Variants in SYN2 observed in about 807,000 individuals in gnomAD.
The protein encoded by SYN2 is synapsin II, also known as synapsin-2.
In SYN2, 19 loss-of-function variants were observed where a neutral mutation model predicts 50.9. The observed-to-expected ratio is 0.37, with a 90% CI of 0.26 to 0.55. The LOEUF (loss-of-function observed/expected upper bound fraction) is 0.55. Ranked by LOEUF, SYN2 falls within the 20% of genes least tolerant of loss-of-function variation. The pLI is 0.81. For synonymous variants in SYN2, 255 were observed against 224.9 expected (o/e 1.13, Z -1.20); for missense variants, 587 against 576.4 (o/e 1.02, Z -0.19).
intron 1 of SYN2, among the ~76,000 whole-genome samples, chr3:12,101,670 G>A (rs1005361633): frequency 6.6e-6 from 1 of 152,080 alleles, no homozygotes; most frequent in Non-Finnish European, 1.5e-5. Flanking sequence ...AGGGATACAA[G>A]GAAGAAAAGT....
chr3:12,023,516 A>G lies in SYN2; in HGVS notation c.377+18588A>G, dbSNP rs186221162. 1.8e-3 allele frequency among the ~76,000 whole-genome samples: 274 copies of G among 152,338 alleles called. 1 individual carries two copies. The highest frequency in any genetic ancestry group is 6.1e-3 in the African/African-American group (255 of 41,580). ...GAGGATGGTGAAAAGAGGAAGGCAC[A>G]CTGTGGACCATGTTCAGAGTCAGTA... On this transcript the variant is annotated intron_variant, in intron 1 of 12. Transcript: ENST00000621198.
At chr3:12,148,003 A>G (rs944471660) in intron 4 of SYN2, among the ~76,000 whole-genome samples, 1 of 152,012 alleles carries the variant, frequency 6.6e-6, no homozygotes, top group Non-Finnish European at 1.5e-5. Context: ...AGTCCCAGCA[A>G]CTTAGGTGGC....
At chr3:12,044,365 G>T (rs1328403893) in intron 1 of SYN2, among the ~76,000 whole-genome samples, 3 of 152,130 alleles carry the variant, frequency 2.0e-5, no homozygotes, top group Admixed American at 6.5e-5. Flanking sequence ...CATTTCATGA[G>T]TAATCAGGAT....
intron 1 of SYN2, among the ~76,000 whole-genome samples, chr3:12,038,496 T>C (rs889733336): frequency 3.3e-5 from 5 of 152,200 alleles, no homozygotes; most frequent in Admixed American, 6.5e-5. Context: ...ATTTAATTGA[T>C]AGATTAATTT....
intron 10 of SYN2, among the ~76,000 whole-genome samples, chr3:12,175,776 C>T (rs1024093305): frequency 3.3e-5 from 5 of 152,180 alleles, no homozygotes; most frequent in African/African-American, 9.7e-5. Context: ...AATTATAGAA[C>T]GCAAAGAGCA....
At chr3:12,013,396 C>G (rs1292797433) in intron 1 of SYN2, among the ~76,000 whole-genome samples, 1 of 152,044 alleles carries the variant, frequency 6.6e-6, no homozygotes, top group Non-Finnish European at 1.5e-5. Flanking sequence ...TTTTTTTATA[C>G]TGCATATTCT....
chr3:12,145,161 G>C (rs1300927626), intron 3 of SYN2, among the ~76,000 whole-genome samples: 1 of 152,150 alleles, frequency 6.6e-6, no homozygotes, highest in African/African-American at 2.4e-5. Context: ...CAGCACTTTG[G>C]GTGACTGACG....
chr3:12,156,778 G>A (rs748770830), intron 5 of SYN2: 3 of 1,527,292 alleles, frequency 2.0e-6, no homozygotes, highest in Non-Finnish European at 2.7e-6. Flanking sequence ...CCCTAGGGCA[G>A]AATCTATTAT....
intron 1 of SYN2, among the ~76,000 whole-genome samples, chr3:12,045,996 G>T (rs967166877): frequency 7.9e-5 from 12 of 152,110 alleles, no homozygotes; most frequent in Non-Finnish European, 1.8e-4. Flanking sequence ...CATTCTCAAA[G>T]GAACCCATAT....
intron 5 of SYN2, chr3:12,158,562 C>T (rs1697529796): frequency 2.3e-6 from 3 of 1,290,466 alleles, no homozygotes; most frequent in South Asian, 2.8e-5. Flanking sequence ...TGGTCCTTCT[C>T]CACCCATCAG....
At chr3:12,132,039 T>C (rs535249867) in intron 1 of SYN2, among the ~76,000 whole-genome samples, 1 of 139,912 alleles carries the variant, frequency 7.1e-6, no homozygotes, top group Admixed American at 6.8e-5. Flanking sequence ...TTTTTCTTTT[T>C]TTTTCTTTTT....
At chr3:12,128,871 C>T (rs975398947) in intron 1 of SYN2, among the ~76,000 whole-genome samples, 1 of 152,132 alleles carries the variant, frequency 6.6e-6, no homozygotes, top group Non-Finnish European at 1.5e-5. Flanking sequence ...TTTACATTCT[C>T]ATTTACTCAT....
intron 1 of SYN2, among the ~76,000 whole-genome samples, chr3:12,100,740 G>C (rs1696055590): frequency 6.6e-6 from 1 of 151,886 alleles, no homozygotes; most frequent in Non-Finnish European, 1.5e-5. Context: ...GTAAATAGTA[G>C]ACAGAATATA....
chr3:12,129,458 G>A (rs184926624), intron 1 of SYN2, among the ~76,000 whole-genome samples: 1 of 152,278 alleles, frequency 6.6e-6, no homozygotes, highest in East Asian at 1.9e-4. Flanking sequence ...ACCCAGATTA[G>A]TCTAGCTCTA....
chr3:12,026,661 T>C (rs1694265478), intron 1 of SYN2, among the ~76,000 whole-genome samples: 1 of 152,094 alleles, frequency 6.6e-6, no homozygotes, highest in African/African-American at 2.4e-5. Context: ...GTGTTCTTGG[T>C]GCGGATATTG....
chr3:12,161,512 T>A, intron 5 of SYN2, 34 bp from the exon 6 acceptor site: 1 of 1,613,144 alleles, frequency 6.2e-7, no homozygotes. Flanking sequence ...ATGGGCACAC[T>A]CTGACAGTTT....
chr3:12,044,181 T>TCTCTCTCACACACA (rs573246278), intron 1 of SYN2, among the ~76,000 whole-genome samples: 28 of 53,404 alleles, frequency 5.2e-4, no homozygotes, highest in African/African-American at 8.3e-4. Flanking sequence ...TCTCTCTCTC[T>TCTCTCTCACACACA]CACACACACA....
chr3:12,032,015 G>T (rs1694392107), intron 1 of SYN2, among the ~76,000 whole-genome samples: 1 of 145,160 alleles, frequency 6.9e-6, no homozygotes, highest in Non-Finnish European at 1.5e-5. Flanking sequence ...GCAGCGGCTG[G>T]TACCGGTTGT....
intron 1 of SYN2, among the ~76,000 whole-genome samples, chr3:12,097,481 C>G (rs188744967): frequency 4.9e-4 from 75 of 152,180 alleles, no homozygotes; most frequent in African/African-American, 1.7e-3. Context: ...TGGCGCACGC[C>G]TGTAGTCCTA....
Sources: allele counts gnomAD v4.1 joint callset (sites outside exome capture counted in the v4.1 genomes callset), GRCh38; gene constraint gnomAD v4.1.1; transcripts MANE v1.5; gene names NCBI Gene and HGNC (gene_info 2026-07-23, HGNC 2026-07-21).